The following RAD17 variants were observed in gnomAD, a reference collection of about 807,000 sequenced individuals.
The protein encoded by RAD17 is RAD17 checkpoint clamp loader component, also known as cell cycle checkpoint protein RAD17.
RAD17 carries 31 observed loss-of-function variants against 81.5 expected under a neutral mutation model. The ratio of observed to expected loss-of-function variants is 0.38; its 90% CI spans 0.29 to 0.51. The LOEUF is 0.51. Among genes scored for constraint, RAD17 ranks in the 20% least tolerant of loss-of-function variants. The probability of loss-of-function intolerance (pLI) is 0.88; values close to 1 mark genes in which losing one functional copy is unlikely to be tolerated. For synonymous variants in RAD17, 261 were observed against 266.2 expected (o/e 0.98, Z 0.19); for missense variants, 681 against 781.2 (o/e 0.87, Z 1.53).
At position 69,371,412 on chromosome 5, in the gene RAD17, G is replaced by C; in HGVS notation, c.-279-42G>C. ...TTATTACTATAATTGGGCATTTACA[G>C]TTTTTCTTCATTTGAGGGCTTCTTC... On this transcript the variant is annotated intron_variant, in intron 2 of 18. Coordinates refer to ENST00000354868, the MANE Select transcript of RAD17 (RefSeq NM_133338.3). 8.9e-6 allele frequency: 5 copies of C among 564,514 alleles called. No homozygotes were observed. In the South Asian group the frequency reaches 1.7e-4, roughly 20 times the overall value. The allele number at this position is 564,514 out of a possible 1,614,324, so 35.0% of individuals were successfully genotyped here.
upstream of RAD17, chr5:69,369,628 C>A: frequency 6.4e-7 from 1 of 1,569,300 alleles, no homozygotes; most frequent in Non-Finnish European, 8.6e-7. Context: ...TAGCCTGCCC[C>A]GGCGGCCCAG....
chr5:69,389,905 G>C (rs1194933185), intron 12 of RAD17, among the ~76,000 whole-genome samples: 1 of 151,932 alleles, frequency 6.6e-6, no homozygotes, highest in East Asian at 1.9e-4. Context: ...CAAAGTGCTG[G>C]GATTATAGGT....
chr5:69,377,457 A>ATG lies in RAD17; in HGVS notation c.351+2747_351+2748insGT, dbSNP rs1561238746. ...TGTGTGTGTATATATATATATATATATATATATATATATATATACACACAC... is the reference window on the plus strand; with the variant it reads ...TGTGTGTGTATATATATATATATATATGTATATATATATATATATACACACAC... On this transcript the variant is annotated intron_variant, in intron 6 of 18. Coordinates refer to ENST00000354868, the MANE Select transcript of RAD17 (RefSeq NM_133338.3). 5.4e-3 allele frequency among the ~76,000 whole-genome samples: 53 copies of ATG among 9,794 alleles called. 3 individuals are homozygous for ATG. The highest frequency in any genetic ancestry group is 0.083 in the Middle Eastern group (1 of 12). 6.4% of individuals were successfully genotyped at this position (9,794 alleles called of 152,430 possible). A position where few individuals can be genotyped will look rare whatever the true frequency, so the allele number is the denominator to read the frequency against.
At position 69,393,177 on chromosome 5, in the gene RAD17, C is replaced by T; in HGVS notation, c.1212C>T (p.Asp404=). ...TAGGAGCATCTTTAACAGAATTAGACTCACCTCGGTTGCCCTCTCATTTAT... is the reference window on the plus strand; with the variant it reads ...TAGGAGCATCTTTAACAGAATTAGATTCACCTCGGTTGCCCTCTCATTTAT... The part of the protein sequence containing the change: ...YCKRASLTEL[D]SPRLPSHLSE... Residue 404 remains aspartate (D), a synonymous_variant, in exon 14 of 19, where the codon GAC becomes GAT. Coordinates refer to ENST00000354868, the MANE Select transcript of RAD17 (RefSeq NM_133338.3). 3 of 1,609,530 alleles carry T rather than the reference C, an allele frequency of 1.9e-6. No homozygotes were observed. The highest frequency in any genetic ancestry group is 2.5e-6 in the Non-Finnish European group (3 of 1,177,216).
At position 69,393,151 on chromosome 5, in the gene RAD17, A is replaced by C. The variant is rs541907415; in HGVS notation, c.1190-4A>C. On this transcript the variant is annotated splice_region_variant and splice_polypyrimidine_tract_variant and intron_variant, in intron 13 of 18. Transcript: ENST00000354868. The stretch of plus-strand genomic sequence containing the variant: ...TCTTTAATAATTCCAGAAATTTTTT[A>C]TAGGAGCATCTTTAACAGAATTAGA... The C allele has an allele frequency of 6.3e-7, 1 of 1,585,286 alleles. No individual in the cohort carries two copies. Among genetic ancestry groups the C allele is most frequent in the South Asian group, 1.1e-5 (1 of 88,350 alleles).
chr5:69,383,392 AT>A (rs979738723), intron 7 of RAD17, among the ~76,000 whole-genome samples: 44 of 146,652 alleles, frequency 3.0e-4, no homozygotes, highest in South Asian at 4.4e-4. Flanking sequence ...TATTATTATT[AT>A]TTTTTTTTTG....
Position 69,390,776 on chromosome 5 carries a change from G to A in RAD17, c.1007-1055G>A, listed in dbSNP as rs1028421852. 4.0e-5 allele frequency among the ~76,000 whole-genome samples: 6 copies of A among 150,116 alleles called. No homozygotes were observed. In the East Asian group the frequency reaches 5.9e-4, roughly 15 times the overall value. ...CTGATACCAGCCTGGGCAACATAGC[G>A]AGGCCTCGTCTCTAATTAAAAATAT... On this transcript the variant is annotated intron_variant, in intron 12 of 18. Coordinates refer to ENST00000354868, the MANE Select transcript of RAD17 (RefSeq NM_133338.3).
chr5:69,382,556 T>G (rs1175280234), intron 7 of RAD17, among the ~76,000 whole-genome samples: 1 of 152,248 alleles, frequency 6.6e-6, no homozygotes, highest in Non-Finnish European at 1.5e-5. Context: ...TAACATATTC[T>G]TCTGTTTGCA....
chr5:69,375,001 A>G (rs979409148), intron 6 of RAD17, among the ~76,000 whole-genome samples: 2 of 152,180 alleles, frequency 1.3e-5, no homozygotes, highest in Admixed American at 6.5e-5. Context: ...CTCTGGTCTC[A>G]GCTACTTGGG....
chr5:69,390,969 C>A (rs908713171), intron 12 of RAD17, among the ~76,000 whole-genome samples: 1 of 148,988 alleles, frequency 6.7e-6, no homozygotes. Flanking sequence ...AAAAAAAGGC[C>A]GGGCATGGTG....
In RAD17 at chr5:69,400,109, T is replaced by G; in HGVS notation, c.1633T>G (p.Cys545Gly). ...LFPDFCLPAL[C>G]LQTQLLPYLA... ...TCCTGACTTCTGCCTACCAGCTTTATGCCTCCAAACTCAGCTATTGCCATA... is the reference window on the plus strand; with the variant it reads ...TCCTGACTTCTGCCTACCAGCTTTAGGCCTCCAAACTCAGCTATTGCCATA... Residue 545 changes from cysteine to glycine, a missense_variant, in exon 17 of 19, where the codon TGC becomes GGC. Cys to Gly is a radical substitution (Grantham distance 159). Coordinates refer to ENST00000354868, the MANE Select transcript of RAD17 (RefSeq NM_133338.3). 6.2e-7 allele frequency: 1 copy of G among 1,604,954 alleles called. No homozygotes were observed. The highest frequency in any genetic ancestry group is 8.5e-7 in the Non-Finnish European group (1 of 1,175,926).
At chr5:69,401,508 A>T (rs1409340831) in intron 17 of RAD17, among the ~76,000 whole-genome samples, 1 of 152,138 alleles carries the variant, frequency 6.6e-6, no homozygotes, top group African/African-American at 2.4e-5. Context: ...ATTTTTCATT[A>T]TATTTCTGTT....
intron 17 of RAD17, among the ~76,000 whole-genome samples, chr5:69,400,626 GT>G (rs34576402): frequency 3.3e-5 from 5 of 149,562 alleles, no homozygotes; most frequent in African/African-American, 1.2e-4. Flanking sequence ...GATCCTTTAT[GT>G]TTTTTTTTTA....
rs1009667444 is a variant in RAD17 at position 69,372,079 on chromosome 5, A to G, written c.-130A>G. 2 of 1,402,116 alleles carry G rather than the reference A, an allele frequency of 1.4e-6. No homozygotes were observed. The highest frequency in any genetic ancestry group is 1.5e-5 in the South Asian group (1 of 65,732). The allele number at this position is 1,402,116 out of a possible 1,614,324, so 86.9% of individuals were successfully genotyped here. A position where few individuals can be genotyped will look rare whatever the true frequency, so the allele number is the denominator to read the frequency against. Reference sequence around the variant, plus strand: ...TGTAAGAAATGAAACTATAAAATGTATAAATAATTTGCAAATCAGAATTGC... The same window carrying G: ...TGTAAGAAATGAAACTATAAAATGTGTAAATAATTTGCAAATCAGAATTGC... On this transcript the variant is annotated 5_prime_UTR_variant, in exon 4 of 19. Coordinates refer to ENST00000354868, the MANE Select transcript of RAD17 (RefSeq NM_133338.3).
chr5:69,372,223 T>A lies in RAD17; in HGVS notation c.9+6T>A. The A allele has an allele frequency of 6.3e-7, 1 of 1,599,876 alleles. No homozygotes were observed. The highest frequency in any genetic ancestry group is 8.6e-7 in the Non-Finnish European group (1 of 1,167,476). On this transcript the variant is annotated splice_donor_region_variant and intron_variant, in intron 4 of 18. Coordinates refer to ENST00000354868, the MANE Select transcript of RAD17 (RefSeq NM_133338.3). ...ATGAGGACGAAATGAATCAGGTAGCTATGACTAAAATTTTTTCCAGTGGTC... is the reference window on the plus strand; with the variant it reads ...ATGAGGACGAAATGAATCAGGTAGCAATGACTAAAATTTTTTCCAGTGGTC...
intron 16 of RAD17, 29 bp from the exon 17 acceptor site, chr5:69,400,020 T>C: frequency 6.8e-7 from 1 of 1,467,242 alleles, no homozygotes; most frequent in Non-Finnish European, 9.2e-7. Flanking sequence ...CATTTTTCCT[T>C]TCATCTTTTT....
chr5:69,374,967 T>G (rs969404197), intron 6 of RAD17, among the ~76,000 whole-genome samples: 2 of 152,070 alleles, frequency 1.3e-5, no homozygotes, highest in Non-Finnish European at 2.9e-5. Context: ...CTACAGCTAA[T>G]TAGCTGGGCA....
In RAD17 at chr5:69,389,858, G is replaced by A. The variant is rs299084; in HGVS notation, c.1006+713G>A. 4.6e-5 allele frequency among the ~76,000 whole-genome samples: 7 copies of A among 152,004 alleles called. No homozygotes were observed. The East Asian group carries it at 7.8e-4, about 17-fold the overall frequency. On this transcript the variant is annotated intron_variant, in intron 12 of 18. Transcript: ENST00000354868. ...TCACTGTCTTAGCCAGGATGGTTGC[G>A]ATCTCCTGACCTCGTGATCCGCCCG...
intron 7 of RAD17, chr5:69,383,958 C>G (rs1764012085): frequency 6.6e-6 from 1 of 151,854 alleles, no homozygotes; most frequent in South Asian, 2.1e-4. Context: ...GTTGTTAAAC[C>G]TTTATCACTC....
Sources: gnomAD v4.1 joint callset for allele counts (sites outside exome capture counted in the v4.1 genomes callset) on GRCh38, gnomAD v4.1.1 for gene constraint, MANE v1.5 for transcripts, NCBI Gene and HGNC (gene_info 2026-07-23, HGNC 2026-07-21) for gene names.